EIPR1: variants seen among roughly 807,000 people sequenced by gnomAD.
EIPR1 encodes the protein EARP complex and GARP complex interacting protein 1, also known as EARP and GARP complex-interacting protein 1.
Under a neutral mutation model 48.1 loss-of-function variants are expected in EIPR1, and 25 were observed. The ratio of observed to expected loss-of-function variants is 0.52; its 90% CI spans 0.38 to 0.73. The LOEUF is 0.73. Among genes scored for constraint, EIPR1 ranks in the 30% least tolerant of loss-of-function variants. EIPR1 has a pLI of 0.00. For missense variants in EIPR1, 415 were observed against 506.2 expected, an observed-to-expected ratio of 0.82 and a Z score of 1.73; for synonymous variants, 204 against 201.9, an observed-to-expected ratio of 1.01 and a Z score of -0.09.
chr2:3,261,564 G>A (rs1667336149), intron 3 of EIPR1, among the ~76,000 whole-genome samples: 1 of 152,164 alleles, frequency 6.6e-6, no homozygotes, highest in Admixed American at 6.5e-5. Flanking sequence ...GCCATTCCCT[G>A]GGCAAAGGGT....
chr2:3,276,541 CA>C (rs1667854324), intron 3 of EIPR1, among the ~76,000 whole-genome samples: 2 of 152,346 alleles, frequency 1.3e-5, no homozygotes, highest in Middle Eastern at 3.4e-3. Flanking sequence ...CTTGGGCCAC[CA>C]CACAAAGCTG....
At chr2:3,282,406 T>C (rs1668039968) in intron 3 of EIPR1, 1 of 152,278 alleles carries the variant, frequency 6.6e-6, no homozygotes, top group African/African-American at 2.4e-5. Context: ...CAGACTTCAA[T>C]GAGCCCGGCA....
chr2:3,220,230 A>C (rs1665831020), intron 4 of EIPR1, among the ~76,000 whole-genome samples: 1 of 152,216 alleles, frequency 6.6e-6, no homozygotes, highest in African/African-American at 2.4e-5. Flanking sequence ...GTATGCACAC[A>C]CACAATGGTC....
Position 3,348,118 on chromosome 2 carries a change from C to T in EIPR1, c.126+6432G>A, listed in dbSNP as rs145852845. Among the ~76,000 whole-genome samples the T allele has an allele frequency of 4.8e-3, 727 of 152,252 alleles. 5 individuals are homozygous for T. The highest frequency in any genetic ancestry group is 8.1e-3 in the Non-Finnish European group (550 of 68,024). ...TCACCAATCAGAGGCGCTGCAGGAA[C>T]AAAGCTATCACGAATCAAAACAGAT... On this transcript the variant is annotated intron_variant, in intron 2 of 8. Transcript: ENST00000382125.
At chr2:3,267,267 A>C (rs1667519159) in intron 3 of EIPR1, among the ~76,000 whole-genome samples, 1 of 152,256 alleles carries the variant, frequency 6.6e-6, no homozygotes, top group African/African-American at 2.4e-5. Flanking sequence ...GATGACAGGA[A>C]GGACCAGAGG....
chr2:3,199,070 C>T lies in EIPR1; in HGVS notation c.517-2053G>A, dbSNP rs7580968. Among the ~76,000 whole-genome samples the T allele has an allele frequency of 4.0e-3, 208 of 52,586 alleles. 64 individuals are homozygous for T. The highest frequency in any genetic ancestry group is 0.012 in the African/African-American group (208 of 17,868). The allele number at this position is 52,586 out of a possible 152,430, so 34.5% of individuals were successfully genotyped here. A position where few individuals can be genotyped will look rare whatever the true frequency, so the allele number is the denominator to read the frequency against. On this transcript the variant is annotated intron_variant, in intron 5 of 8. Transcript: ENST00000382125. The stretch of plus-strand genomic sequence containing the variant: ...GTGGCCATTTTAGAGGGCCCCCCCC[C>T]CGCCCCGGGAATGCATTCTTTTCCC...
chr2:3,196,759 G>T, intron 6 of EIPR1, 122 bp downstream of exon 6: 2 of 1,365,028 alleles, frequency 1.5e-6, no homozygotes, highest in Non-Finnish European at 1.9e-6. Context: ...CTACAAAAAC[G>T]AGATAAAGAC....
chr2:3,366,928 C>A (rs1421600275), intron 1 of EIPR1, among the ~76,000 whole-genome samples: 3 of 152,018 alleles, frequency 2.0e-5, no homozygotes, highest in Non-Finnish European at 4.4e-5. Flanking sequence ...TGGCACACAC[C>A]CAGCTACTCA....
At chr2:3,329,077 C>CT (rs755509924) in intron 3 of EIPR1, among the ~76,000 whole-genome samples, 1 of 68,310 alleles carries the variant, frequency 1.5e-5, no homozygotes, top group Non-Finnish European at 2.8e-5. Context: ...GGGCACCAGC[C>CT]AGGCTCCCCT....
Position 3,354,630 on chromosome 2 carries a change from G to T in EIPR1, c.46C>A (p.Arg16Ser). 1 of 1,614,034 alleles carries T rather than the reference G, an allele frequency of 6.2e-7. No homozygotes were observed. Residue 16 changes from arginine (R) to serine (S), a missense_variant, in exon 2 of 9, where the codon CGT becomes AGT. Coordinates refer to ENST00000382125, the MANE Select transcript of EIPR1 (RefSeq NM_003310.5). ...PVIYGLEFQA[R>S]ALTPQTAETD... ...TCTGCAGTTTGAGGTGTTAAGGCAC[G>T]TGCCTGCAGGAGGGAAGAAAAACAC...
chr2:3,283,469 C>T (rs143786197), intron 3 of EIPR1, among the ~76,000 whole-genome samples: 23 of 152,340 alleles, frequency 1.5e-4, no homozygotes, highest in African/African-American at 5.3e-4. Context: ...CTGCTGCCTC[C>T]GCATTGCCTG....
intron 7 of EIPR1, 124 bp from the exon 8 acceptor site, chr2:3,192,705 C>G: frequency 1.1e-6 from 1 of 939,222 alleles, no homozygotes; most frequent in Non-Finnish European, 1.6e-6. Flanking sequence ...AGGCAATCGG[C>G]CCCCAGTCAC....
intron 3 of EIPR1, among the ~76,000 whole-genome samples, chr2:3,285,096 T>A (rs1229461819): frequency 1.3e-5 from 2 of 152,308 alleles, no homozygotes; most frequent in Admixed American, 6.5e-5. Context: ...TCGTGAAAGA[T>A]GGCTGCTCAC....
intron 2 of EIPR1, 111 bp from the exon 3 acceptor site, chr2:3,338,260 T>A: frequency 7.0e-6 from 9 of 1,282,912 alleles, no homozygotes; most frequent in South Asian, 1.4e-5. Flanking sequence ...GACAGATACA[T>A]CTTTAGTTAA....
At chr2:3,362,788 G>A (rs1462350257) in intron 1 of EIPR1, among the ~76,000 whole-genome samples, 2 of 152,238 alleles carry the variant, frequency 1.3e-5, no homozygotes, top group East Asian at 3.8e-4. Context: ...AGCAGGTGCT[G>A]GAGGCAGGCT....
intron 4 of EIPR1, among the ~76,000 whole-genome samples, chr2:3,243,638 A>G (rs1303299825): frequency 2.6e-5 from 4 of 152,200 alleles, no homozygotes; most frequent in Admixed American, 6.5e-5. Flanking sequence ...TCTCAAAAAA[A>G]ACCCAAAATG....
At chr2:3,192,876 A>G (rs1046358192) in intron 7 of EIPR1, among the ~76,000 whole-genome samples, 3 of 152,324 alleles carry the variant, frequency 2.0e-5, no homozygotes, top group Admixed American at 1.3e-4. Flanking sequence ...ATTCGAAAAA[A>G]AAAAAAAAAT....
At chr2:3,274,656 C>T (rs965393535) in intron 3 of EIPR1, among the ~76,000 whole-genome samples, 56 of 151,190 alleles carry the variant, frequency 3.7e-4, no homozygotes, top group African/African-American at 1.1e-3. Flanking sequence ...AAAAATTAAG[C>T]GAAATAAATG....
At chr2:3,247,226 C>T (rs11127391) in intron 4 of EIPR1, among the ~76,000 whole-genome samples, 87,250 of 151,938 alleles carry the variant, frequency 0.57, 25,413 homozygotes, top group East Asian at 0.75. Flanking sequence ...ATTTCTAGGA[C>T]GACTCTTGAT....
Sources: gnomAD v4.1 joint callset for allele counts (sites outside exome capture counted in the v4.1 genomes callset) on GRCh38, gnomAD v4.1.1 for gene constraint, MANE v1.5 for transcripts, NCBI Gene and HGNC (gene_info 2026-07-23, HGNC 2026-07-21) for gene names.